Variants in ZMIZ1 observed in about 807,000 individuals in gnomAD.
ZMIZ1 encodes zinc finger MIZ domain-containing protein 1.
ZMIZ1 carries 17 observed loss-of-function variants against 113.9 expected under a neutral mutation model. The observed-to-expected ratio is 0.15, with a 90% CI of 0.10 to 0.22. ZMIZ1 has a LOEUF of 0.22. Among genes scored for constraint, ZMIZ1 ranks in the 10% least tolerant of loss-of-function variants. The pLI, the probability that ZMIZ1 is intolerant of heterozygous loss-of-function variation, is 1.00. For synonymous variants in ZMIZ1, 607 were observed against 603.1 expected (o/e 1.01, Z -0.09); for missense variants, 1,059 against 1,477.8 (o/e 0.72, Z 4.65).
chr10:79,076,893 C>T (rs561371646), intron 1 of ZMIZ1, among the ~76,000 whole-genome samples: 150 of 152,264 alleles, frequency 9.9e-4, no homozygotes, highest in African/African-American at 3.5e-3. Context: ...CAAGGTTTCT[C>T]ATCTGCCGGG....
At chr10:79,141,130 CAG>C (rs1434815845) in intron 3 of ZMIZ1, among the ~76,000 whole-genome samples, 3 of 152,104 alleles carry the variant, frequency 2.0e-5, no homozygotes, top group African/African-American at 2.4e-5. Flanking sequence ...CATGACGACA[CAG>C]GGGACGAGGG....
At chr10:79,164,903 C>T (rs1846260251) in intron 4 of ZMIZ1, among the ~76,000 whole-genome samples, 2 of 152,078 alleles carry the variant, frequency 1.3e-5, no homozygotes, top group African/African-American at 4.8e-5. Context: ...CCTCCAGAGC[C>T]CCTTCCCAAA....
intron 8 of ZMIZ1, among the ~76,000 whole-genome samples, 179 bp from the exon 9 acceptor site, chr10:79,289,596 G>T (rs1195829768): frequency 6.6e-6 from 1 of 152,202 alleles, no homozygotes; most frequent in Non-Finnish European, 1.5e-5. Flanking sequence ...CTGTCACCAT[G>T]CAGGGCACAC....
chr10:79,254,748 C>A (rs540222199), intron 7 of ZMIZ1, among the ~76,000 whole-genome samples: 1 of 152,070 alleles, frequency 6.6e-6, no homozygotes. Flanking sequence ...GACAGGTGGG[C>A]GGGGGCGTTG....
Position 79,162,100 on chromosome 10 carries a change from C to T in ZMIZ1, c.-83C>T, listed in dbSNP as rs983814771. The T allele has an allele frequency of 2.3e-5, 9 of 399,332 alleles. No homozygotes were observed. The South Asian group carries it at 3.8e-4, about 17-fold the overall frequency. The allele number at this position is 399,332 out of a possible 1,614,324, so 24.7% of individuals were successfully genotyped here. On this transcript the variant is annotated 5_prime_UTR_variant, in exon 4 of 25. Transcript: ENST00000334512. ...GGAGGGGCCGCAAGCTGCTGACCGG[C>T]GTGTGGAACACTGGTGGTTTGCAGA...
intron 8 of ZMIZ1, among the ~76,000 whole-genome samples, chr10:79,287,286 G>T (rs1049184479): frequency 2.6e-5 from 4 of 152,198 alleles, no homozygotes; most frequent in African/African-American, 9.6e-5. Context: ...CTCCCTCTGG[G>T]CTCCCAGTCT....
intron 8 of ZMIZ1, among the ~76,000 whole-genome samples, chr10:79,282,154 A>G (rs553928307): frequency 7.2e-4 from 110 of 152,378 alleles, no homozygotes; most frequent in African/African-American, 2.5e-3. Context: ...CCAACACCTC[A>G]TAAGTCCTCA....
chr10:79,200,693 G>A (rs1328555062), intron 4 of ZMIZ1, among the ~76,000 whole-genome samples: 3 of 152,180 alleles, frequency 2.0e-5, no homozygotes, highest in Non-Finnish European at 4.4e-5. Context: ...TAGAAAATGG[G>A]TGTGGTGCTC....
At chr10:79,195,297 G>A (rs1282421587) in intron 4 of ZMIZ1, among the ~76,000 whole-genome samples, 1 of 152,254 alleles carries the variant, frequency 6.6e-6, no homozygotes, top group Non-Finnish European at 1.5e-5. Flanking sequence ...ACTCAGCAAA[G>A]CAGGGTCCTG....
At chr10:79,206,213 C>T (rs1332192773) in intron 5 of ZMIZ1, among the ~76,000 whole-genome samples, 1 of 152,116 alleles carries the variant, frequency 6.6e-6, no homozygotes, top group South Asian at 2.1e-4. Context: ...GCTCTGAACG[C>T]TGGTGAGATA....
Position 79,314,476 on chromosome 10 carries a change from T to C in ZMIZ1, c.*1727T>C. On this transcript the variant is annotated 3_prime_UTR_variant, in exon 25 of 25. Coordinates refer to ENST00000334512, the MANE Select transcript of ZMIZ1 (RefSeq NM_020338.4). ...GAAAGCTGCCATTGCCCCGGCCCCT[T>C]TTCTTCCTTTGTCCCGTTGTCGAGG... 1 of 339,532 alleles carries C rather than the reference T, an allele frequency of 2.9e-6. No individual in the cohort carries two copies. Among genetic ancestry groups the C allele is most frequent in the South Asian group, 2.3e-5 (1 of 44,032 alleles). 21.0% of individuals were successfully genotyped at this position (339,532 alleles called of 1,614,324 possible).
At chr10:79,098,325 T>C (rs1357637462) in intron 1 of ZMIZ1, among the ~76,000 whole-genome samples, 2 of 152,236 alleles carry the variant, frequency 1.3e-5, no homozygotes, top group African/African-American at 4.8e-5. Flanking sequence ...CTGGAGGCAG[T>C]GTAGTGTGGT....
chr10:79,309,678 G>A (rs1202327124), intron 23 of ZMIZ1, among the ~76,000 whole-genome samples: 1 of 152,250 alleles, frequency 6.6e-6, no homozygotes, highest in Non-Finnish European at 1.5e-5. Flanking sequence ...GAAACAGGAA[G>A]AGGAAGGAAG....
intron 7 of ZMIZ1, among the ~76,000 whole-genome samples, chr10:79,253,908 TCA>T (rs1219762626): frequency 2.0e-5 from 3 of 151,870 alleles, no homozygotes; most frequent in Non-Finnish European, 4.4e-5. Flanking sequence ...ACACGCACAC[TCA>T]CACACACACT....
chr10:79,117,459 T>C (rs1844091957), intron 1 of ZMIZ1, among the ~76,000 whole-genome samples: 1 of 152,242 alleles, frequency 6.6e-6, no homozygotes, highest in African/African-American at 2.4e-5. Context: ...TTGGATGAAG[T>C]TGCAGATCAC....
rs145501236 is a variant in ZMIZ1 at position 79,158,847 on chromosome 10, G to T, written c.-130-3206G>T. On this transcript the variant is annotated intron_variant, in intron 3 of 24. Transcript: ENST00000334512. Reference sequence around the variant, plus strand: ...ACTCAGCCTTGTCACTTTCCAGCTGGACACCTCTGGCAGCCCCATCCTTCT... The same window carrying T: ...ACTCAGCCTTGTCACTTTCCAGCTGTACACCTCTGGCAGCCCCATCCTTCT... Among the ~76,000 whole-genome samples the T allele has an allele frequency of 6.1e-3, 924 of 152,350 alleles. 2 individuals are homozygous for T. Among genetic ancestry groups the T allele is most frequent in the Non-Finnish European group, 0.01 (704 of 68,032 alleles).
chr10:79,276,366 G>T (rs1852289499), intron 7 of ZMIZ1, among the ~76,000 whole-genome samples: 1 of 152,226 alleles, frequency 6.6e-6, no homozygotes, highest in African/African-American at 2.4e-5. Context: ...GGCTCCTGTG[G>T]CCACGTGGGG....
intron 4 of ZMIZ1, among the ~76,000 whole-genome samples, chr10:79,184,015 TG>T (rs1411682128): frequency 6.6e-6 from 1 of 152,160 alleles, no homozygotes; most frequent in Admixed American, 6.5e-5. Context: ...AGATGAAGGG[TG>T]CAATATCAGA....
intron 4 of ZMIZ1, among the ~76,000 whole-genome samples, chr10:79,201,265 G>A (rs905467996): frequency 2.0e-5 from 3 of 152,158 alleles, no homozygotes; most frequent in Non-Finnish European, 4.4e-5. Context: ...CCGAGATCGC[G>A]CCATTGCACT....
Sources: allele counts gnomAD v4.1 joint callset (sites outside exome capture counted in the v4.1 genomes callset), GRCh38; gene constraint gnomAD v4.1.1; transcripts MANE v1.5; gene names NCBI Gene and HGNC (gene_info 2026-07-23, HGNC 2026-07-21).